Variants in EPOR observed in about 807,000 individuals in gnomAD.
EPOR encodes the protein erythropoietin receptor.
Under a neutral mutation model 34.3 loss-of-function variants are expected in EPOR, and 20 were observed. That is an observed-to-expected ratio of 0.58 (90% CI 0.41 to 0.85). EPOR has a LOEUF of 0.85. Among genes scored for constraint, EPOR ranks in the 40% least tolerant of loss-of-function variants. EPOR has a pLI of 0.00. For missense variants in EPOR, 601 were observed against 672.7 expected, an observed-to-expected ratio of 0.89 and a Z score of 1.18; for synonymous variants, 312 against 299.0, an observed-to-expected ratio of 1.04 and a Z score of -0.45.
At chr19:11,379,737 AT>A (rs1464680799) in intron 6 of EPOR, among the ~76,000 whole-genome samples, 1 of 142,946 alleles carries the variant, frequency 7.0e-6, no homozygotes, top group Non-Finnish European at 1.5e-5. Flanking sequence ...TTTCACTCTT[AT>A]TGCCCAGGCT....
chr19:11,379,943 T>C (rs935820181), intron 6 of EPOR, among the ~76,000 whole-genome samples: 5 of 152,324 alleles, frequency 3.3e-5, no homozygotes, highest in Admixed American at 6.5e-5. Flanking sequence ...TCAGGTGATC[T>C]GCCTGCCTCG....
intron 6 of EPOR, among the ~76,000 whole-genome samples, chr19:11,379,564 ACT>A (rs1968328408): frequency 7.0e-6 from 1 of 143,426 alleles, no homozygotes; most frequent in South Asian, 2.2e-4. Context: ...GACAAGAGTG[ACT>A]CTGTCTCAAA....
chr19:11,383,947 T>A lies in EPOR; in HGVS notation c.115+146A>T, dbSNP rs559611101. ...CCCCCCACCCATCCAGGACCCAGTC[T>A]AAGGGTTCAGATGCCAGCTTGGCCC... On this transcript the variant is annotated intron_variant, in intron 1 of 7. Coordinates refer to ENST00000222139, the MANE Select transcript of EPOR (RefSeq NM_000121.4). This position sits in a 1 kb window ranked among gnomAD's most constrained non-coding sequence, Gnocchi z 4.9. 21 of 407,234 alleles carry A rather than the reference T, an allele frequency of 5.2e-5. No individual in the cohort carries two copies. Among genetic ancestry groups the A allele is most frequent in the South Asian group, 3.3e-4 (20 of 59,888 alleles). The allele number at this position is 407,234 out of a possible 1,614,324, so 25.2% of individuals were successfully genotyped here.
chr19:11,383,025 G>T lies in EPOR; in HGVS notation c.251+72C>A. On this transcript the variant is annotated intron_variant, in intron 2 of 7. Transcript: ENST00000222139. The surrounding 1 kb of genome is among the most constrained non-coding windows in gnomAD (Gnocchi z 4.9). ...CCTCAAACAGCAGGGGACATACGAGGCTACGACCTCCAGGGAGCTCTGCCC... is the reference window on the plus strand; with the variant it reads ...CCTCAAACAGCAGGGGACATACGAGTCTACGACCTCCAGGGAGCTCTGCCC... 6.2e-7 allele frequency: 1 copy of T among 1,608,684 alleles called. No individual in the cohort carries two copies.
Position 11,381,079 on chromosome 19 carries a change from G to C in EPOR, c.716C>G (p.Pro239Arg), listed in dbSNP as rs542643797. 7 of 1,601,726 alleles carry C rather than the reference G, an allele frequency of 4.4e-6. No homozygotes were observed. The East Asian group carries it at 1.3e-4, about 31-fold the overall frequency. ...FGGFWSAWSE[P>R]VSLLTPSDLD... ...ACCGCTAGGCGTCAGCAGCGACACA[G>C]GCTCCGACCAGGCGCTCCAGAAGCC... The change falls in exon 5 of 8, where the codon CCT (proline) becomes CGT (arginine). Residue 239 changes from proline to arginine, a missense_variant. Pro to Arg is a moderately radical substitution (Grantham distance 103). Coordinates refer to ENST00000222139, the MANE Select transcript of EPOR (RefSeq NM_000121.4). This position sits in a 1 kb window ranked among gnomAD's most constrained non-coding sequence, Gnocchi z 5.3.
Position 11,381,238 on chromosome 19 carries a change from G to T in EPOR, c.586-29C>A. The T allele has an allele frequency of 6.5e-7, 1 of 1,548,402 alleles. No individual in the cohort carries two copies. Among genetic ancestry groups the T allele is most frequent in the Non-Finnish European group, 8.7e-7 (1 of 1,146,708 alleles). ...GGGGCGGAATCAGGGCGAGGGACGC[G>T]TAGCAGACAAAAATAGATGACGTGG... On this transcript the variant is annotated intron_variant, in intron 4 of 7. Coordinates refer to ENST00000222139, the MANE Select transcript of EPOR (RefSeq NM_000121.4). This position sits in a 1 kb window ranked among gnomAD's most constrained non-coding sequence, Gnocchi z 5.3.
rs772993810 is a variant in EPOR at position 11,378,540 on chromosome 19, G to A, written c.971C>T (p.Thr324Met). ...TTCCAGGGAAGCAGGTGGGTCCTCC[G>A]TGAAGGGGGTGCAGGGGCTCCACCA... ...CLWWSPCTPF[T>M]EDPPASLEVL... The change falls in exon 8 of 8, where the codon ACG becomes ATG. Residue 324 changes from threonine (T) to methionine (M), a missense_variant. Physicochemically the swap from Thr to Met is moderately conservative, Grantham distance 81. Coordinates refer to ENST00000222139, the MANE Select transcript of EPOR (RefSeq NM_000121.4). The surrounding 1 kb of genome is among the most constrained non-coding windows in gnomAD (Gnocchi z 5.3). 32 of 1,614,200 alleles carry A rather than the reference G, an allele frequency of 2.0e-5. No individual in the cohort carries two copies. Among genetic ancestry groups the A allele is most frequent in the South Asian group, 4.4e-5 (4 of 91,084 alleles).
rs1331960558 is a variant in EPOR at position 11,383,173 on chromosome 19, C to T, written c.175G>A (p.Asp59Asn). ...ELLCFTERLE[D>N]LVCFWEEAAS... The stretch of plus-strand genomic sequence containing the variant: ...GCTTCCTCCCAGAAACACACCAAGT[C>T]CTCCAACCGCTCGGTGAAGCACAGA... The change falls in exon 2 of 8, where the codon GAC becomes AAC. Residue 59 changes from aspartate (D) to asparagine (N), a missense_variant. Coordinates refer to ENST00000222139, the MANE Select transcript of EPOR (RefSeq NM_000121.4). This position sits in a 1 kb window ranked among gnomAD's most constrained non-coding sequence, Gnocchi z 4.9. The T allele has an allele frequency of 1.9e-6, 3 of 1,612,766 alleles. No individual in the cohort carries two copies. Among genetic ancestry groups the T allele is most frequent in the South Asian group, 2.2e-5 (2 of 91,078 alleles).
rs766374051 is a variant in EPOR at position 11,383,214 on chromosome 19, C to G, written c.134G>C (p.Arg45Pro). 1.2e-6 allele frequency: 2 copies of G among 1,601,542 alleles called. No homozygotes were observed. The highest frequency in any genetic ancestry group is 1.7e-6 in the Non-Finnish European group (2 of 1,174,542). Residue 45 changes from arginine to proline, a missense_variant, in exon 2 of 8, where the codon CGG becomes CCG. Transcript: ENST00000222139. This position sits in a 1 kb window ranked among gnomAD's most constrained non-coding sequence, Gnocchi z 4.9. Reference sequence around the variant, plus strand: ...GAAGCACAGAAGCTCTTCGGGCCCCCGGGCCGCCAGCAAGGCCGCTGGGGA... The same window carrying G: ...GAAGCACAGAAGCTCTTCGGGCCCCGGGGCCGCCAGCAAGGCCGCTGGGGA... ...FESKAALLAARGPEELLCFTE... is the reference protein window; with the variant it reads ...FESKAALLAAPGPEELLCFTE...
At position 11,381,719 on chromosome 19, in the gene EPOR, G is replaced by T. The variant is rs377322757; in HGVS notation, c.558C>A (p.Ala186=). Reference sequence around the variant, plus strand: ...TCTGTACGCTCCCTGCGCCGTTGCCGGCCGAGACGTCCACCTCGTAGCGGA... The same window carrying T: ...TCTGTACGCTCCCTGCGCCGTTGCCTGCCGAGACGTCCACCTCGTAGCGGA... ...SHIRYEVDVS[A]GNGAGSVQRV... Residue 186 remains alanine (A), a synonymous_variant, in exon 4 of 8, where the codon GCC becomes GCA. Coordinates refer to ENST00000222139, the MANE Select transcript of EPOR (RefSeq NM_000121.4). This position sits in a 1 kb window ranked among gnomAD's most constrained non-coding sequence, Gnocchi z 5.3. 20 of 1,610,788 alleles carry T rather than the reference G, an allele frequency of 1.2e-5. No homozygotes were observed. The highest frequency in any genetic ancestry group is 1.5e-5 in the Non-Finnish European group (18 of 1,178,882).
chr19:11,382,201 C>T, intron 2 of EPOR, 96 bp from the exon 3 acceptor site: 1 of 1,016,626 alleles, frequency 9.8e-7, no homozygotes, highest in African/African-American at 1.6e-5. Flanking sequence ...GACACAAGGT[C>T]TAGCCTTGTG....
chr19:11,383,457 C>A lies in EPOR; in HGVS notation c.116-225G>T, dbSNP rs1968393320. The A allele has an allele frequency of 2.0e-6, 1 of 499,798 alleles. No individual in the cohort carries two copies. Among genetic ancestry groups the A allele is most frequent in the Admixed American group, 3.7e-5 (1 of 26,916 alleles). 31.0% of individuals were successfully genotyped at this position (499,798 alleles called of 1,614,324 possible). On this transcript the variant is annotated intron_variant, in intron 1 of 7. Coordinates refer to ENST00000222139, the MANE Select transcript of EPOR (RefSeq NM_000121.4). The surrounding 1 kb of genome is among the most constrained non-coding windows in gnomAD (Gnocchi z 4.9). ...GTCCCCCGCCGTCACCACTGGCGCA[C>A]ACCTGCCCACCCAGCGGCCAGCTGA...
In EPOR at chr19:11,378,380, G is replaced by T. The variant is rs757826226; in HGVS notation, c.1131C>A (p.Pro377=). ...TYLVLDKWLL[P]RNPPSEDLPG... is the part of the protein sequence containing the mutation. ...GGAGGTCCTCACTGGGCGGGTTCCG[G>T]GGCAGCAACCATTTGTCCAGCACCA... is the stretch of plus-strand genomic sequence containing the variant. The change falls in exon 8 of 8, where the codon CCC becomes CCA. Residue 377 remains proline (P), a synonymous_variant. Transcript: ENST00000222139. This position sits in a 1 kb window ranked among gnomAD's most constrained non-coding sequence, Gnocchi z 5.3. 1 of 1,613,276 alleles carries T rather than the reference G, an allele frequency of 6.2e-7. No individual in the cohort carries two copies. Among genetic ancestry groups the T allele is most frequent in the Non-Finnish European group, 8.5e-7 (1 of 1,179,986 alleles).
intron 6 of EPOR, among the ~76,000 whole-genome samples, chr19:11,380,565 AG>A: frequency 6.6e-6 from 1 of 152,348 alleles, no homozygotes; most frequent in East Asian, 1.9e-4. Context: ...GGAGGCATTC[AG>A]GGTCTTAAAT....
chr19:11,377,404 C>G lies in EPOR; in HGVS notation c.*580G>C, dbSNP rs1968294966. 1 of 453,814 alleles carries G rather than the reference C, an allele frequency of 2.2e-6. No individual in the cohort carries two copies. The highest frequency in any genetic ancestry group is 2.0e-5 in the African/African-American group (1 of 49,924). The allele number at this position is 453,814 out of a possible 1,614,324, so 28.1% of individuals were successfully genotyped here. A position where few individuals can be genotyped will look rare whatever the true frequency, so the allele number is the denominator to read the frequency against. On this transcript the variant is annotated 3_prime_UTR_variant, in exon 8 of 8. Transcript: ENST00000222139. The stretch of plus-strand genomic sequence containing the variant: ...TTCCAGGCCAGATCCCTCAAATGGC[C>G]CATTGAGGGTCATTGCTGCCCTTTT...
rs918616469 is a variant in EPOR, at chr19:11,381,521, AT to A, written c.585+170del. The stretch of plus-strand genomic sequence containing the variant: ...TGGGGTTCAACAGGCTTGCGAGGAC[AT>A]TAGGAAAGGGGGTGTGTCTGTGGGC... On this transcript the variant is annotated intron_variant, in intron 4 of 7. Coordinates refer to ENST00000222139, the MANE Select transcript of EPOR (RefSeq NM_000121.4). This position sits in a 1 kb window ranked among gnomAD's most constrained non-coding sequence, Gnocchi z 5.3. Among the ~76,000 whole-genome samples the A allele has an allele frequency of 3.9e-5, 6 of 152,222 alleles. No individual in the cohort carries two copies. Among genetic ancestry groups the A allele is most frequent in the Non-Finnish European group, 8.8e-5 (6 of 68,012 alleles).
rs765522005 is a variant in EPOR at position 11,381,080 on chromosome 19, G to T, written c.715C>A (p.Pro239Thr). 2.7e-5 allele frequency: 43 copies of T among 1,601,100 alleles called. No individual in the cohort carries two copies. In the East Asian group the frequency reaches 9.7e-4, roughly 36 times the overall value. Reference sequence around the variant, plus strand: ...CCGCTAGGCGTCAGCAGCGACACAGGCTCCGACCAGGCGCTCCAGAAGCCG... The same window carrying T: ...CCGCTAGGCGTCAGCAGCGACACAGTCTCCGACCAGGCGCTCCAGAAGCCG... ...FGGFWSAWSE[P>T]VSLLTPSDLD... The change falls in exon 5 of 8, where the codon CCT becomes ACT. Residue 239 changes from proline (P) to threonine (T), a missense_variant. Coordinates refer to ENST00000222139, the MANE Select transcript of EPOR (RefSeq NM_000121.4). The surrounding 1 kb of genome is among the most constrained non-coding windows in gnomAD (Gnocchi z 5.3).
In EPOR at chr19:11,381,125, T is replaced by C. The variant is rs375609414; in HGVS notation, c.670A>G (p.Met224Val). 3.8e-6 allele frequency: 6 copies of C among 1,580,558 alleles called. No homozygotes were observed. The highest frequency in any genetic ancestry group is 4.3e-6 in the Non-Finnish European group (5 of 1,163,206). The change falls in exon 5 of 8, where the codon ATG (methionine) becomes GTG (valine). Residue 224 changes from methionine to valine, a missense_variant. Met to Val is a conservative substitution (Grantham distance 21). Coordinates refer to ENST00000222139, the MANE Select transcript of EPOR (RefSeq NM_000121.4). This position sits in a 1 kb window ranked among gnomAD's most constrained non-coding sequence, Gnocchi z 5.3. The part of the protein sequence containing the change: ...TRYTFAVRAR[M>V]AEPSFGGFWS... ...AAGCCGCCGAAGCTCGGCTCAGCCATACGCGCGCGGACGGCGAAGGTGTAG... is the reference window on the plus strand; with the variant it reads ...AAGCCGCCGAAGCTCGGCTCAGCCACACGCGCGCGGACGGCGAAGGTGTAG...
intron 2 of EPOR, 102 bp from the exon 3 acceptor site, chr19:11,382,207 TTGTG>T (rs372002337): frequency 4.2e-6 from 4 of 951,568 alleles, no homozygotes; most frequent in East Asian, 5.2e-5. Context: ...AGGTCTAGCC[TTGTG>T]TGTGTGTGTG....
Sources: allele counts gnomAD v4.1 joint callset (sites outside exome capture counted in the v4.1 genomes callset), GRCh38; gene constraint gnomAD v4.1.1; non-coding constraint Gnocchi (gnomAD v3.1); transcripts MANE v1.5; gene names NCBI Gene and HGNC (gene_info 2026-07-23, HGNC 2026-07-21).